Variants in CADM2 observed in about 807,000 individuals in gnomAD.
The protein encoded by CADM2 is immunoglobulin superfamily member 4D.
In CADM2, 12 loss-of-function variants were observed where a neutral mutation model predicts 49.8. The ratio of observed to expected loss-of-function variants is 0.24; its 90% CI spans 0.15 to 0.39. The LOEUF (loss-of-function observed/expected upper bound fraction) is 0.39, where lower values mean the gene tolerates loss of function less well. Ranked by LOEUF, CADM2 falls within the 10% of genes least tolerant of loss-of-function variation. CADM2 has a pLI of 1.00. For missense variants in CADM2, 378 were observed against 492.3 expected (o/e 0.77, Z 2.20); for synonymous variants, 214 against 175.4 (o/e 1.22, Z -1.74).
intron 1 of CADM2, among the ~76,000 whole-genome samples, chr3:85,023,336 C>A (rs1051845401): frequency 6.6e-6 from 1 of 151,926 alleles, no homozygotes; most frequent in Non-Finnish European, 1.5e-5. Context: ...TATTTTTTCC[C>A]TTTAATATGT....
intron 7 of CADM2, among the ~76,000 whole-genome samples, chr3:85,954,868 G>C (rs1005711479): frequency 6.6e-6 from 1 of 151,180 alleles, no homozygotes; most frequent in African/African-American, 2.4e-5. Context: ...AGCAGAAAAA[G>C]GATCAAGATG....
chr3:85,685,902 G>T (rs777154616), intron 1 of CADM2, among the ~76,000 whole-genome samples: 14 of 152,126 alleles, frequency 9.2e-5, no homozygotes, highest in Non-Finnish European at 2.1e-4. Context: ...GGGATTACAG[G>T]CATGGGCCAC....
chr3:85,138,661 G>A (rs2039488889), intron 1 of CADM2, among the ~76,000 whole-genome samples: 1 of 152,110 alleles, frequency 6.6e-6, no homozygotes, highest in South Asian at 2.1e-4. Context: ...CAAATGCTAT[G>A]TTTGAAAAAT....
intron 1 of CADM2, among the ~76,000 whole-genome samples, chr3:85,050,629 A>G (rs2035846499): frequency 6.6e-6 from 1 of 152,210 alleles, no homozygotes; most frequent in Non-Finnish European, 1.5e-5. Context: ...CACAAATGTT[A>G]AAATATGGTC....
intron 1 of CADM2, among the ~76,000 whole-genome samples, chr3:85,673,287 C>G (rs1311789587): frequency 6.6e-6 from 1 of 151,990 alleles, no homozygotes; most frequent in African/African-American, 2.4e-5. Context: ...CTCTATGAGC[C>G]AACAATATTC....
At chr3:85,616,161 G>C (rs533458546) in intron 1 of CADM2, among the ~76,000 whole-genome samples, 1 of 151,720 alleles carries the variant, frequency 6.6e-6, no homozygotes, top group African/African-American at 2.4e-5. Context: ...TGTGAAATTT[G>C]ACAGTCACCT....
chr3:85,139,846 G>A (rs2039524865), intron 1 of CADM2, among the ~76,000 whole-genome samples: 1 of 151,992 alleles, frequency 6.6e-6, no homozygotes, highest in African/African-American at 2.4e-5. Flanking sequence ...TACTTATAAG[G>A]GTTTTTTCAA....
At chr3:85,940,026 A>C (rs1052960642) in intron 7 of CADM2, among the ~76,000 whole-genome samples, 7 of 150,380 alleles carry the variant, frequency 4.7e-5, no homozygotes, top group Non-Finnish European at 8.9e-5. Flanking sequence ...ACAACAACAA[A>C]AAAAAAACAG....
chr3:85,497,877 A>G (rs1465802991), intron 1 of CADM2, among the ~76,000 whole-genome samples: 1 of 151,862 alleles, frequency 6.6e-6, no homozygotes, highest in East Asian at 1.9e-4. Context: ...TTATGTATCT[A>G]TATGTATTTG....
At chr3:85,390,587 C>T (rs1047570376) in intron 1 of CADM2, among the ~76,000 whole-genome samples, 3 of 151,996 alleles carry the variant, frequency 2.0e-5, no homozygotes, top group African/African-American at 2.4e-5. Context: ...ACTTCACAAG[C>T]GTTTCCTCTA....
At chr3:85,280,848 A>G (rs1419451416) in intron 1 of CADM2, among the ~76,000 whole-genome samples, 1 of 152,020 alleles carries the variant, frequency 6.6e-6, no homozygotes, top group East Asian at 1.9e-4. Context: ...ACAACAAATA[A>G]AAAGTGCTGA....
At chr3:85,933,476 C>T (rs1375834767) in intron 6 of CADM2, among the ~76,000 whole-genome samples, 1 of 152,082 alleles carries the variant, frequency 6.6e-6, no homozygotes, top group Non-Finnish European at 1.5e-5. Context: ...GGCACATTCC[C>T]CGCTCAATAA....
At chr3:85,642,370 T>C (rs2064750641) in intron 1 of CADM2, among the ~76,000 whole-genome samples, 1 of 151,886 alleles carries the variant, frequency 6.6e-6, no homozygotes, top group South Asian at 2.1e-4. Context: ...AATAATACAA[T>C]GAAAAACTAA....
intron 2 of CADM2, among the ~76,000 whole-genome samples, chr3:85,748,960 A>G (rs1222301479): frequency 6.6e-6 from 1 of 152,102 alleles, no homozygotes; most frequent in Admixed American, 6.6e-5. Flanking sequence ...GTTGAAAGCT[A>G]CAAGATATCA....
intron 1 of CADM2, among the ~76,000 whole-genome samples, chr3:85,265,973 C>A (rs2043113376): frequency 6.6e-6 from 1 of 151,722 alleles, no homozygotes; most frequent in Admixed American, 6.6e-5. Context: ...CTGTTTCTAC[C>A]TTAATAGAGC....
chr3:85,077,655 A>G (rs2036999396), intron 1 of CADM2, among the ~76,000 whole-genome samples: 1 of 152,118 alleles, frequency 6.6e-6, no homozygotes, highest in Non-Finnish European at 1.5e-5. Context: ...ACAATTTCTT[A>G]TAAACTGCAT....
intron 1 of CADM2, among the ~76,000 whole-genome samples, chr3:85,088,928 A>G (rs1446003061): frequency 6.6e-6 from 1 of 152,122 alleles, no homozygotes; most frequent in Non-Finnish European, 1.5e-5. Flanking sequence ...TCCCAGAGTC[A>G]TCATTATCAG....
rs1054850177 is a variant in CADM2 at position 86,046,526 on chromosome 3, C to T, written c.971-19079C>T. Reference sequence around the variant, plus strand: ...AATTTTTATTGTAATCACTTGAGGGCTGGAGTACTGGTATCTAGTGGTAGA... The same window carrying T: ...AATTTTTATTGTAATCACTTGAGGGTTGGAGTACTGGTATCTAGTGGTAGA... On this transcript the variant is annotated intron_variant, in intron 8 of 9. Coordinates refer to ENST00000383699, the MANE Select transcript of CADM2 (RefSeq NM_001167675.2). Among the ~76,000 whole-genome samples the T allele has an allele frequency of 2.0e-5, 3 of 152,080 alleles. No individual in the cohort carries two copies. The South Asian group carries it at 6.2e-4, about 32-fold the overall frequency.
At chr3:85,312,905 AT>A in intron 1 of CADM2, among the ~76,000 whole-genome samples, 1 of 152,284 alleles carries the variant, frequency 6.6e-6, no homozygotes, top group East Asian at 1.9e-4. Context: ...GAATTAATTT[AT>A]TTTTCAACCA....
Sources: gnomAD v4.1 joint callset for allele counts (sites outside exome capture counted in the v4.1 genomes callset) on GRCh38, gnomAD v4.1.1 for gene constraint, MANE v1.5 for transcripts, NCBI Gene and HGNC (gene_info 2026-07-23, HGNC 2026-07-21) for gene names.